Variants in PRRC2C observed in about 807,000 individuals in gnomAD.
PRRC2C encodes the protein proline rich coiled-coil 2C, also known as protein PRRC2C.
Under a neutral mutation model 317.2 loss-of-function variants are expected in PRRC2C, and 72 were observed. That is an observed-to-expected ratio of 0.23 (90% CI 0.19 to 0.28). PRRC2C has a LOEUF of 0.28. Ranked by LOEUF, PRRC2C falls within the 10% of genes least tolerant of loss-of-function variation. The pLI is 1.00. For missense variants in PRRC2C, 3,074 were observed against 3,459.7 expected, an observed-to-expected ratio of 0.89 and a Z score of 2.80; for synonymous variants, 1,296 against 1,205.9, an observed-to-expected ratio of 1.07 and a Z score of -1.55.
intron 29 of PRRC2C, 45 bp from the exon 30 acceptor site, chr1:171,584,374 A>T (rs1025997514): frequency 6.0e-6 from 9 of 1,492,732 alleles, no homozygotes; most frequent in Non-Finnish European, 8.1e-6. Context: ...TGAATTTGAA[A>T]TTTTTTTCAG....
In PRRC2C at chr1:171,546,684, C is replaced by A. The variant is rs557753424; in HGVS notation, c.4972+997C>A. On this transcript the variant is annotated intron_variant, in intron 17 of 34. Coordinates refer to ENST00000647382, the MANE Select transcript of PRRC2C (RefSeq NM_001387844.1). Reference sequence around the variant, plus strand: ...ATGCAATCTCGGCTCACTGCAACATCTGCATCCCAGACGTCAAGCGATTCC... The same window carrying A: ...ATGCAATCTCGGCTCACTGCAACATATGCATCCCAGACGTCAAGCGATTCC... Among the ~76,000 whole-genome samples, 4 of 152,312 alleles carry A rather than the reference C, an allele frequency of 2.6e-5. 1 individual carries two copies. Among genetic ancestry groups the A allele is most frequent in the African/African-American group, 9.6e-5 (4 of 41,576 alleles).
intron 31 of PRRC2C, among the ~76,000 whole-genome samples, 172 bp from the exon 32 acceptor site, chr1:171,587,476 A>G (rs1246999939): frequency 9.2e-5 from 14 of 152,222 alleles, no homozygotes; most frequent in Admixed American, 8.5e-4. Context: ...TTATTTAATT[A>G]TAAGTCTGTT....
chr1:171,494,694 A>G (rs563496399), intron 1 of PRRC2C, among the ~76,000 whole-genome samples: 86 of 152,166 alleles, frequency 5.7e-4, no homozygotes, highest in African/African-American at 2.0e-3. Flanking sequence ...AAATTTCCGT[A>G]TTTAGCATTC....
intron 10 of PRRC2C, 70 bp downstream of exon 10, chr1:171,525,035 G>A: frequency 8.0e-7 from 1 of 1,256,166 alleles, no homozygotes; most frequent in African/African-American, 1.5e-5. Flanking sequence ...GTAATACTAT[G>A]GATAATTATT....
intron 1 of PRRC2C, among the ~76,000 whole-genome samples, chr1:171,495,114 G>T (rs1667890975): frequency 6.6e-6 from 1 of 152,200 alleles, no homozygotes. Flanking sequence ...CTGGAGTTGA[G>T]CATAATACTC....
chr1:171,499,678 C>G (rs773546968), intron 1 of PRRC2C, among the ~76,000 whole-genome samples: 8 of 152,122 alleles, frequency 5.3e-5, no homozygotes, highest in South Asian at 2.1e-4. Context: ...GTGGCAGACA[C>G]CTGTAATCCC....
chr1:171,489,486 G>A (rs1224627188), intron 1 of PRRC2C, among the ~76,000 whole-genome samples: 2 of 152,172 alleles, frequency 1.3e-5, no homozygotes, highest in African/African-American at 4.8e-5. Context: ...GTATAAGAAG[G>A]TAAGGGAAAT....
In PRRC2C at chr1:171,587,150, C is replaced by T; in HGVS notation, c.7897C>T (p.Gln2633Ter). The change falls in exon 31 of 35, where the codon CAA becomes TAA. Residue 2633 changes from glutamine to a stop codon, truncating the protein, a stop_gained. Coordinates refer to ENST00000647382, the MANE Select transcript of PRRC2C (RefSeq NM_001387844.1). LOFTEE classifies it high-confidence loss of function. Reference sequence around the variant, plus strand: ...GGCTCAGAGTCTGAGTCGTCCTGCACAAGTAAGCCAGCCTTTCAGAGGATT... The same window carrying T: ...GGCTCAGAGTCTGAGTCGTCCTGCATAAGTAAGCCAGCCTTTCAGAGGATT... ...AQAQSLSRPA[Q>*]VSQPFRGLIP... The T allele has an allele frequency of 6.2e-7, 1 of 1,611,164 alleles. No homozygotes were observed. The highest frequency in any genetic ancestry group is 8.5e-7 in the Non-Finnish European group (1 of 1,178,760).
intron 34 of PRRC2C, 197 bp from the exon 35 acceptor site, chr1:171,591,389 TA>T: frequency 1.7e-6 from 1 of 594,936 alleles, no homozygotes; most frequent in Non-Finnish European, 2.5e-6. Flanking sequence ...TTTTTTTTTT[TA>T]AATCACATGA....
At position 171,584,004 on chromosome 1, in the gene PRRC2C, C is replaced by T; in HGVS notation, c.7458C>T (p.Val2486=). The change falls in exon 29 of 35, where the codon GTC becomes GTT. Residue 2486 remains valine (V), a synonymous_variant. Coordinates refer to ENST00000647382, the MANE Select transcript of PRRC2C (RefSeq NM_001387844.1). The stretch of plus-strand genomic sequence containing the variant: ...GCAGTTTATCCCAGCCATCTGTGGT[C>T]CTTTCTGGTACTGCTATTCACAACT... ...MQSSLSQPSV[V]LSGTAIHNFP... The T allele has an allele frequency of 6.2e-7, 1 of 1,614,004 alleles. No individual in the cohort carries two copies. Among genetic ancestry groups the T allele is most frequent in the Non-Finnish European group, 8.5e-7 (1 of 1,179,872 alleles).
At chr1:171,535,103 T>C (rs1401873239) in intron 12 of PRRC2C, among the ~76,000 whole-genome samples, 1 of 152,116 alleles carries the variant, frequency 6.6e-6, no homozygotes, top group African/African-American at 2.4e-5. Flanking sequence ...GACAATTACA[T>C]TGATGTTTAT....
chr1:171,486,166 C>A (rs1666049896), intron 1 of PRRC2C, among the ~76,000 whole-genome samples: 1 of 140,712 alleles, frequency 7.1e-6, no homozygotes, highest in East Asian at 2.2e-4. Context: ...AACTGAAGGA[C>A]TCAGCCGGGG....
At chr1:171,509,794 TCTAGAGAAACATG>T in intron 1 of PRRC2C, 1 of 151,784 alleles carries the variant, frequency 6.6e-6, no homozygotes, top group South Asian at 2.1e-4. Flanking sequence ...TTATCCTATT[TCTAGAGAAACATG>T]GTTTCTCTAG....
chr1:171,500,657 G>A (rs979903740), intron 1 of PRRC2C, among the ~76,000 whole-genome samples: 8 of 152,116 alleles, frequency 5.3e-5, no homozygotes, highest in African/African-American at 1.9e-4. Context: ...CATGAAAAAC[G>A]TCCTTTTGTT....
At chr1:171,555,918 A>G (rs1681282051) in intron 18 of PRRC2C, among the ~76,000 whole-genome samples, 1 of 152,202 alleles carries the variant, frequency 6.6e-6, no homozygotes, top group African/African-American at 2.4e-5. Context: ...CTCAGAGCTC[A>G]AACACCGTGC....
intron 10 of PRRC2C, 129 bp from the exon 11 acceptor site, chr1:171,527,662 A>T: frequency 1.5e-6 from 1 of 674,298 alleles, no homozygotes; most frequent in Non-Finnish European, 2.5e-6. Flanking sequence ...AGGCTGAGGC[A>T]TGAGAATTGC....
At position 171,571,373 on chromosome 1, in the gene PRRC2C, C is replaced by T; in HGVS notation, c.6705C>T (p.Ser2235=). The part of the protein sequence containing the change: ...PLPKRETIQQ[S]SSLTSVPPTT... ...CTAAGAGGGAGACTATACAACAGAG[C>T]TCCAGCCTAACTTCAGTTCCTCCCA... is the stretch of plus-strand genomic sequence containing the variant. Residue 2235 remains serine (S), a synonymous_variant, in exon 24 of 35, where the codon AGC becomes AGT. Coordinates refer to ENST00000647382, the MANE Select transcript of PRRC2C (RefSeq NM_001387844.1). The T allele has an allele frequency of 1.9e-6, 3 of 1,613,078 alleles. No individual in the cohort carries two copies. The highest frequency in any genetic ancestry group is 1.1e-5 in the South Asian group (1 of 91,038).
intron 1 of PRRC2C, among the ~76,000 whole-genome samples, chr1:171,507,199 A>G (rs1173360301): frequency 1.3e-5 from 2 of 152,188 alleles, no homozygotes; most frequent in Non-Finnish European, 2.9e-5. Flanking sequence ...TGGGCAACAT[A>G]GTGAGACTCC....
At chr1:171,497,473 A>G (rs907864012) in intron 1 of PRRC2C, among the ~76,000 whole-genome samples, 1 of 151,626 alleles carries the variant, frequency 6.6e-6, no homozygotes, top group Non-Finnish European at 1.5e-5. Context: ...TTTTATTTTT[A>G]TTTATTTATT....
Sources: allele counts gnomAD v4.1 joint callset (sites outside exome capture counted in the v4.1 genomes callset), GRCh38; gene constraint gnomAD v4.1.1; transcripts MANE v1.5; gene names NCBI Gene and HGNC (gene_info 2026-07-23, HGNC 2026-07-21).